Variants in PCDHGC3 observed in about 807,000 individuals in gnomAD.
The protein encoded by PCDHGC3 is protocadherin gamma subfamily C, 3.
Under a neutral mutation model 59.2 loss-of-function variants are expected in PCDHGC3, and 26 were observed. That is an observed-to-expected ratio of 0.44 (90% CI 0.32 to 0.61). PCDHGC3 has a LOEUF of 0.61. Among genes scored for constraint, PCDHGC3 ranks in the 20% least tolerant of loss-of-function variants. The pLI, the probability that PCDHGC3 is intolerant of heterozygous loss-of-function variation, is 0.05. For missense variants in PCDHGC3, 1,080 were observed against 1,221.8 expected (o/e 0.88, Z 1.73); for synonymous variants, 487 against 519.7 (o/e 0.94, Z 0.86).
At chr5:141,506,382 G>T (rs1311307230) in intron 3 of PCDHGC3, among the ~76,000 whole-genome samples, 1 of 151,500 alleles carries the variant, frequency 6.6e-6, no homozygotes, top group East Asian at 1.9e-4. Flanking sequence ...CTGGGAGGTG[G>T]CTGTGGTGAG....
chr5:141,506,180 G>T (rs548366782), intron 3 of PCDHGC3, among the ~76,000 whole-genome samples: 44 of 152,294 alleles, frequency 2.9e-4, no homozygotes, highest in Non-Finnish European at 5.7e-4. Context: ...GCTGGGCGTG[G>T]TGGCTCACGC....
Position 141,476,129 on chromosome 5 carries a change from G to T in PCDHGC3, c.13G>T (p.Ala5Ser), listed in dbSNP as rs2099385585. 6.2e-7 allele frequency: 1 copy of T among 1,606,848 alleles called. No homozygotes were observed. The highest frequency in any genetic ancestry group is 1.3e-5 in the African/African-American group (1 of 75,000). The change falls in exon 1 of 4, where the codon GCC (alanine) becomes TCC (serine). Residue 5 changes from alanine to serine, a missense_variant. By Grantham distance (99) the Ala-to-Ser change is moderately conservative. Transcript: ENST00000308177. The surrounding 1 kb of genome is among the most constrained non-coding windows in gnomAD (Gnocchi z 7.6). ...GCTTTTGAGTGAGATGGTCCCAGAG[G>T]CCTGGAGGAGCGGACTGGTAAGCAC... Reference protein sequence around the residue: MVPEAWRSGLVSTGR... With the variant: MVPESWRSGLVSTGR...
rs768938171 is a variant in PCDHGC3 at position 141,487,276 on chromosome 5, C to T, written c.2431-7531C>T. ...TGGCTGTGTCCCTAGTGGCAATTTG[C>T]TTTGTCTCCTTTGGCTCATTCGTGG... On this transcript the variant is annotated intron_variant, in intron 1 of 3. Transcript: ENST00000308177. The surrounding 1 kb of genome is among the most constrained non-coding windows in gnomAD (Gnocchi z 5.0). The T allele has an allele frequency of 2.5e-6, 4 of 1,614,158 alleles. No homozygotes were observed. The East Asian group carries it at 8.9e-5, about 36-fold the overall frequency.
chr5:141,476,584 C>T lies in PCDHGC3; in HGVS notation c.468C>T (p.Leu156=). 6.2e-7 allele frequency: 1 copy of T among 1,614,218 alleles called. No individual in the cohort carries two copies. The highest frequency in any genetic ancestry group is 8.5e-7 in the Non-Finnish European group (1 of 1,180,042). The part of the protein sequence containing the change: ...EAVAPGTRFP[L]ESAHDPDVGS... ...TGGCTCCGGGGACGCGCTTTCCGCTCGAGAGCGCGCACGATCCCGATGTGG... is the reference window on the plus strand; with the variant it reads ...TGGCTCCGGGGACGCGCTTTCCGCTTGAGAGCGCGCACGATCCCGATGTGG... Residue 156 remains leucine (L), a synonymous_variant, in exon 1 of 4, where the codon CTC becomes CTT. Coordinates refer to ENST00000308177, the MANE Select transcript of PCDHGC3 (RefSeq NM_002588.4). The surrounding 1 kb of genome is among the most constrained non-coding windows in gnomAD (Gnocchi z 7.6).
In PCDHGC3 at chr5:141,476,962, C is replaced by A. The variant is rs2099402286; in HGVS notation, c.846C>A (p.Ser282=). Residue 282 remains serine (S), a synonymous_variant, in exon 1 of 4, where the codon TCC becomes TCA. Coordinates refer to ENST00000308177, the MANE Select transcript of PCDHGC3 (RefSeq NM_002588.4). This position sits in a 1 kb window ranked among gnomAD's most constrained non-coding sequence, Gnocchi z 7.6. ...GCCCCAACGGTGAAATTATTTACTCCTTCGGCAGCCACAACCGCGCCGGCG... is the reference window on the plus strand; with the variant it reads ...GCCCCAACGGTGAAATTATTTACTCATTCGGCAGCCACAACCGCGCCGGCG... The part of the protein sequence containing the change: ...DEGPNGEIIY[S]FGSHNRAGVR... 2 of 1,614,200 alleles carry A rather than the reference C, an allele frequency of 1.2e-6. No individual in the cohort carries two copies. The highest frequency in any genetic ancestry group is 1.7e-6 in the Non-Finnish European group (2 of 1,180,042).
chr5:141,481,151 G>A (rs1326614212), intron 1 of PCDHGC3, among the ~76,000 whole-genome samples: 1 of 152,198 alleles, frequency 6.6e-6, no homozygotes, highest in African/African-American at 2.4e-5. Context: ...TGTTATTCTG[G>A]TATTTGCAGA....
At chr5:141,484,880 T>G (rs1258072805) in intron 1 of PCDHGC3, 3 of 336,846 alleles carry the variant, frequency 8.9e-6, no homozygotes, top group Admixed American at 9.2e-5. Flanking sequence ...GAGGATAGGG[T>G]GGGCTTTTTC....
chr5:141,503,260 C>A (rs2154593294), intron 2 of PCDHGC3, among the ~76,000 whole-genome samples: 1 of 152,178 alleles, frequency 6.6e-6, no homozygotes, highest in African/African-American at 2.4e-5. Flanking sequence ...ACAGCCACAA[C>A]CCCAGCACCT....
At position 141,476,051 on chromosome 5, in the gene PCDHGC3, GA is replaced by G; in HGVS notation, c.-63del. On this transcript the variant is annotated 5_prime_UTR_variant, in exon 1 of 4. Transcript: ENST00000308177. This position sits in a 1 kb window ranked among gnomAD's most constrained non-coding sequence, Gnocchi z 7.6. ...CCCAGCGCCCAAGCGCTAACCCGCT[GA>G]AAGTTTCTCAGCGAAATCTCAGGGA... 1.3e-6 allele frequency: 2 copies of G among 1,504,270 alleles called. No individual in the cohort carries two copies. The highest frequency in any genetic ancestry group is 1.8e-6 in the Non-Finnish European group (2 of 1,133,694). The allele number at this position is 1,504,270 out of a possible 1,614,324, so 93.2% of individuals were successfully genotyped here.
intron 3 of PCDHGC3, among the ~76,000 whole-genome samples, chr5:141,509,583 A>G (rs1008344833): frequency 7.2e-5 from 11 of 152,320 alleles, no homozygotes; most frequent in African/African-American, 2.4e-4. Flanking sequence ...CGTACAAATC[A>G]GCTGGCAATT....
chr5:141,505,413 C>G lies in PCDHGC3; in HGVS notation c.2510C>G (p.Thr837Ser). ...CCCAGCTCCCAAAATGGCGATGACA[C>G]CGGCACCTGGCCCAACAACCAGTTT... Reference protein sequence around the residue: ...GTSGSQNGDDTGTWPNNQFDT... With the variant: ...GTSGSQNGDDSGTWPNNQFDT... Residue 837 changes from threonine to serine, a missense_variant, in exon 3 of 4, where the codon ACC (threonine) becomes AGC (serine). Physicochemically the swap from Thr to Ser is moderately conservative, Grantham distance 58. Coordinates refer to ENST00000308177, the MANE Select transcript of PCDHGC3 (RefSeq NM_002588.4). 2.5e-6 allele frequency: 4 copies of G among 1,614,202 alleles called. No individual in the cohort carries two copies. In the South Asian group the frequency reaches 4.4e-5, roughly 18 times the overall value.
Position 141,476,264 on chromosome 5 carries a change from G to C in PCDHGC3, c.148G>C (p.Val50Leu), listed in dbSNP as rs753184649. The C allele has an allele frequency of 6.2e-7, 1 of 1,614,082 alleles. No individual in the cohort carries two copies. Among genetic ancestry groups the C allele is most frequent in the Non-Finnish European group, 8.5e-7 (1 of 1,180,010 alleles). The change falls in exon 1 of 4, where the codon GTG becomes CTG. Residue 50 changes from valine to leucine, a missense_variant. By Grantham distance (32) the Val-to-Leu change is conservative. Transcript: ENST00000308177. This position sits in a 1 kb window ranked among gnomAD's most constrained non-coding sequence, Gnocchi z 7.6. The part of the protein sequence containing the change: ...EREKGFAVGN[V>L]VANLGLDLGS... ...AGAGAAGGGTTTCGCTGTGGGCAAC[G>C]TGGTCGCGAACCTTGGTTTGGATCT...
intron 3 of PCDHGC3, among the ~76,000 whole-genome samples, chr5:141,509,841 C>T (rs546036990): frequency 2.0e-5 from 3 of 152,326 alleles, no homozygotes; most frequent in African/African-American, 7.2e-5. Context: ...ACCTCCCATT[C>T]ACTCAGAACA....
intron 1 of PCDHGC3, chr5:141,484,858 T>A: frequency 4.1e-6 from 1 of 245,806 alleles, no homozygotes; most frequent in Non-Finnish European, 7.8e-6. Context: ...TTTTGGGGGG[T>A]GGGGGAGCGT....
rs1299979776 is a variant in PCDHGC3 at position 141,512,453 on chromosome 5, G to GC, written c.*1282dup. On this transcript the variant is annotated 3_prime_UTR_variant, in exon 4 of 4. Transcript: ENST00000308177. ...TCCTGAAGCCTCAGTCCTTCACCTT[G>GC]CCAGGTGCCGTTTCTCTTCCGTGAA... The GC allele has an allele frequency of 6.5e-6, 1 of 152,880 alleles. No homozygotes were observed. The allele number at this position is 152,880 out of a possible 1,614,324, so 9.5% of individuals were successfully genotyped here.
In PCDHGC3 at chr5:141,490,803, C is replaced by A; in HGVS notation, c.2431-4004C>A. The A allele has an allele frequency of 6.2e-7, 1 of 1,613,956 alleles. No homozygotes were observed. Among genetic ancestry groups the A allele is most frequent in the South Asian group, 1.1e-5 (1 of 91,080 alleles). On this transcript the variant is annotated intron_variant, in intron 1 of 3. Transcript: ENST00000308177. The surrounding 1 kb of genome is among the most constrained non-coding windows in gnomAD (Gnocchi z 5.4). ...ATGGACGGATCTTTGCCCAGCGTAC[C>A]TTTGACTATGAATTGCTGCAGATGC...
At chr5:141,488,198 GGACTC>G in intron 1 of PCDHGC3, among the ~76,000 whole-genome samples, 1 of 152,166 alleles carries the variant, frequency 6.6e-6, no homozygotes, top group Non-Finnish European at 1.5e-5. Context: ...CTGGGTCTTA[GGACTC>G]ATATCAAGTC....
rs141034739 is a variant in PCDHGC3 at position 141,491,100 on chromosome 5, C to T, written c.2431-3707C>T. The T allele has an allele frequency of 2.7e-4, 430 of 1,614,138 alleles. No homozygotes were observed. The African/African-American group carries it at 4.7e-3, about 18-fold the overall frequency. ...AGTCCACAGCCCCAGGACTGTTCCT[C>T]GTGTCTACACACACTGGTGAGGTGC... On this transcript the variant is annotated intron_variant, in intron 1 of 3. Transcript: ENST00000308177. The surrounding 1 kb of genome is among the most constrained non-coding windows in gnomAD (Gnocchi z 6.9).
Position 141,491,737 on chromosome 5 carries a change from G to C in PCDHGC3, c.2431-3070G>C, listed in dbSNP as rs548808722. 1.2e-6 allele frequency: 2 copies of C among 1,600,586 alleles called. No homozygotes were observed. The highest frequency in any genetic ancestry group is 2.7e-5 in the African/African-American group (2 of 74,486). On this transcript the variant is annotated intron_variant, in intron 1 of 3. Transcript: ENST00000308177. The surrounding 1 kb of genome is among the most constrained non-coding windows in gnomAD (Gnocchi z 6.9). ...GGCGCCGCCCCGGGCGACCCCTGGG[G>C]GCGGCACTGGAGAAGCCGCCCGTCC...
Sources: allele counts gnomAD v4.1 joint callset (sites outside exome capture counted in the v4.1 genomes callset), GRCh38; gene constraint gnomAD v4.1.1; non-coding constraint Gnocchi (gnomAD v3.1); transcripts MANE v1.5; gene names NCBI Gene and HGNC (gene_info 2026-07-23, HGNC 2026-07-21).